FHIP2A: variants seen among roughly 807,000 people sequenced by gnomAD.
FHIP2A encodes the protein FHF complex subunit HOOK interacting protein 2A, also known as family with sequence similarity 160 member B1.
Under a neutral mutation model 93.5 loss-of-function variants are expected in FHIP2A, and 46 were observed. That is an observed-to-expected ratio of 0.49 (90% CI 0.39 to 0.63). The LOEUF (loss-of-function observed/expected upper bound fraction) is 0.63, where lower values mean the gene tolerates loss of function less well. Ranked by LOEUF, FHIP2A falls within the 20% of genes least tolerant of loss-of-function variation. The pLI, the probability that FHIP2A is intolerant of heterozygous loss-of-function variation, is 0.00. For missense variants in FHIP2A, 769 were observed against 909.7 expected (o/e 0.85, Z 1.99); for synonymous variants, 332 against 326.5 (o/e 1.02, Z -0.18).
At chr10:114,850,177 C>T (rs1050940072) in intron 13 of FHIP2A, among the ~76,000 whole-genome samples, 3 of 152,100 alleles carry the variant, frequency 2.0e-5, no homozygotes, top group Non-Finnish European at 4.4e-5. Flanking sequence ...TTTTGAGGAA[C>T]TGCCAAACTG....
chr10:114,865,069 C>T (rs1316209367), downstream of FHIP2A, among the ~76,000 whole-genome samples: 1 of 152,062 alleles, frequency 6.6e-6, no homozygotes, highest in African/African-American at 2.4e-5. Flanking sequence ...CTCACTGCAA[C>T]CTCCGCCCCC....
rs1268223377 is a variant in FHIP2A at position 114,847,128 on chromosome 10, C to T, written c.1607C>T (p.Pro536Leu). 1.2e-6 allele frequency: 2 copies of T among 1,612,634 alleles called. No homozygotes were observed. The highest frequency in any genetic ancestry group is 2.7e-5 in the African/African-American group (2 of 74,820). ...GATCCATTATTTACTGACATTTCACCAGAAAACACTTTGCCAAACCAAGAG... is the reference window on the plus strand; with the variant it reads ...GATCCATTATTTACTGACATTTCACTAGAAAACACTTTGCCAAACCAAGAG... The part of the protein sequence containing the change: ...EEDPLFTDIS[P>L]ENTLPNQEWL... The change falls in exon 12 of 17, where the codon CCA (proline) becomes CTA (leucine). Residue 536 changes from proline to leucine, a missense_variant. By Grantham distance (98) the Pro-to-Leu change is moderately conservative (BLOSUM62 -3). Transcript: ENST00000369248.
At position 114,833,559 on chromosome 10, in the gene FHIP2A, CA is replaced by C. The variant is rs1453869745; in HGVS notation, c.294+160del. On this transcript the variant is annotated intron_variant, in intron 3 of 16. Transcript: ENST00000369248. ...AAAAAAGAAAATTGTGTAGCCTATA[CA>C]AATATGTCCATAGAGATAGAAAGAT... 1.4e-5 allele frequency: 9 copies of C among 642,888 alleles called. No homozygotes were observed. In the African/African-American group the frequency reaches 1.7e-4, roughly 12 times the overall value. 39.8% of individuals were successfully genotyped at this position (642,888 alleles called of 1,614,324 possible). A position where few individuals can be genotyped will look rare whatever the true frequency, so the allele number is the denominator to read the frequency against.
chr10:114,863,797 T>A lies in FHIP2A; in HGVS notation c.*2257T>A. 3.5e-6 allele frequency: 4 copies of A among 1,154,480 alleles called. No homozygotes were observed. Among genetic ancestry groups the A allele is most frequent in the Middle Eastern group, 2.5e-4 (1 of 4,050 alleles). The allele number at this position is 1,154,480 out of a possible 1,614,324, so 71.5% of individuals were successfully genotyped here. On this transcript the variant is annotated 3_prime_UTR_variant, in exon 17 of 17. Coordinates refer to ENST00000369248, the MANE Select transcript of FHIP2A (RefSeq NM_020940.4). ...CAAAAACAGTAACTAAAATGCACTA[T>A]GCTGAGTGGAAAGCACCGTCATAAC...
intron 16 of FHIP2A, among the ~76,000 whole-genome samples, chr10:114,896,012 C>T (rs2083999617): frequency 6.6e-6 from 1 of 152,112 alleles, no homozygotes; most frequent in Non-Finnish European, 1.5e-5. Context: ...GATGCAACTG[C>T]CACCTGGCCA....
intron 13 of FHIP2A, among the ~76,000 whole-genome samples, chr10:114,851,849 T>C (rs2083738829): frequency 6.6e-6 from 1 of 152,196 alleles, no homozygotes; most frequent in Non-Finnish European, 1.5e-5. Context: ...TTTTTCCATT[T>C]ACTCAGGTTC....
chr10:114,880,676 T>C (rs1005303280), intron 16 of FHIP2A, among the ~76,000 whole-genome samples: 5 of 74,808 alleles, frequency 6.7e-5, no homozygotes, highest in Non-Finnish European at 1.4e-4. Flanking sequence ...TGAGACTCCA[T>C]GTCAACACAC....
intron 1 of FHIP2A, among the ~76,000 whole-genome samples, chr10:114,822,908 G>A (rs567780805): frequency 2.9e-4 from 44 of 152,236 alleles, no homozygotes; most frequent in Non-Finnish European, 5.1e-4. Flanking sequence ...CATAGAGACA[G>A]TATTCAAGTA....
chr10:114,852,393 GC>G (rs1193469644), intron 13 of FHIP2A, among the ~76,000 whole-genome samples: 1 of 152,168 alleles, frequency 6.6e-6, no homozygotes, highest in Admixed American at 6.5e-5. Flanking sequence ...TATGATTGAT[GC>G]CTTTAAAACT....
In FHIP2A at chr10:114,864,303, GA is replaced by G; in HGVS notation, c.*2765del. 1 of 985,176 alleles carries G rather than the reference GA, an allele frequency of 1.0e-6. No homozygotes were observed. The highest frequency in any genetic ancestry group is 1.2e-6 in the Non-Finnish European group (1 of 829,314). The allele number at this position is 985,176 out of a possible 1,614,324, so 61.0% of individuals were successfully genotyped here. On this transcript the variant is annotated 3_prime_UTR_variant, in exon 17 of 17. Coordinates refer to ENST00000369248, the MANE Select transcript of FHIP2A (RefSeq NM_020940.4). ...ATTATGAAGTCCATCAGTATTGACA[GA>G]AGACGTTACAGTGAAGTGCTAAAAC... is the stretch of plus-strand genomic sequence containing the variant.
intron 1 of FHIP2A, among the ~76,000 whole-genome samples, chr10:114,822,394 G>A (rs950595322): frequency 6.6e-6 from 1 of 152,010 alleles, no homozygotes; most frequent in African/African-American, 2.4e-5. Context: ...CGGGGGTGCC[G>A]GGGAGGACCT....
chr10:114,832,161 A>G (rs182205548), intron 2 of FHIP2A, among the ~76,000 whole-genome samples: 20 of 152,306 alleles, frequency 1.3e-4, no homozygotes, highest in African/African-American at 4.6e-4. Context: ...CCTTAGTATA[A>G]TAAGGATGGG....
rs745320547 is a variant in FHIP2A at position 114,843,064 on chromosome 10, A to T, written c.654A>T (p.Gly218=). 6.2e-7 allele frequency: 1 copy of T among 1,614,138 alleles called. No individual in the cohort carries two copies. The highest frequency in any genetic ancestry group is 8.5e-7 in the Non-Finnish European group (1 of 1,179,998). ...RQPEELSGAT[G]MEQTELEDEP... is the part of the protein sequence containing the mutation. ...CAGAGGAACTATCTGGTGCTACTGGAATGGAGCAAACAGAATTGGAAGATG... is the reference window on the plus strand; with the variant it reads ...CAGAGGAACTATCTGGTGCTACTGGTATGGAGCAAACAGAATTGGAAGATG... Residue 218 remains glycine (G), a synonymous_variant, in exon 6 of 17, where the codon GGA becomes GGT. Transcript: ENST00000369248.
At chr10:114,849,447 C>T (rs2083721638) in intron 13 of FHIP2A, among the ~76,000 whole-genome samples, 1 of 152,148 alleles carries the variant, frequency 6.6e-6, no homozygotes, top group Non-Finnish European at 1.5e-5. Flanking sequence ...CTCACTCCTT[C>T]AGCCCCGGAA....
rs975333763 is a variant in FHIP2A at position 114,863,071 on chromosome 10, A to G, written c.*1531A>G. On this transcript the variant is annotated 3_prime_UTR_variant, in exon 17 of 17. Coordinates refer to ENST00000369248, the MANE Select transcript of FHIP2A (RefSeq NM_020940.4). The stretch of plus-strand genomic sequence containing the variant: ...GATTATGAATAGCCTCAGCTCTAGA[A>G]TGCTTACCACTGTTAAAACAACAAA... The G allele has an allele frequency of 4.1e-6, 4 of 984,054 alleles. No individual in the cohort carries two copies. Among genetic ancestry groups the G allele is most frequent in the Non-Finnish European group, 2.4e-6 (2 of 828,764 alleles). The allele number at this position is 984,054 out of a possible 1,614,324, so 61.0% of individuals were successfully genotyped here.
chr10:114,830,261 T>C (rs1458454932), intron 1 of FHIP2A, among the ~76,000 whole-genome samples: 2 of 146,208 alleles, frequency 1.4e-5, no homozygotes, highest in Non-Finnish European at 3.0e-5. Context: ...AATATACCTC[T>C]GAAACCTACT....
intron 5 of FHIP2A, among the ~76,000 whole-genome samples, chr10:114,838,841 C>T (rs571533246): frequency 3.3e-5 from 5 of 152,174 alleles, no homozygotes; most frequent in Non-Finnish European, 7.3e-5. Flanking sequence ...CTGCTTTGTG[C>T]AGTGTTTTTA....
In FHIP2A at chr10:114,860,898, C is replaced by T; in HGVS notation, c.2088+9C>T. On this transcript the variant is annotated intron_variant, in intron 15 of 16. Coordinates refer to ENST00000369248, the MANE Select transcript of FHIP2A (RefSeq NM_020940.4). Reference sequence around the variant, plus strand: ...TCTCTGTAATTGTCAGGGTGAGTTACTAGTTCTGTTATATTCCCTAGGATT... The same window carrying T: ...TCTCTGTAATTGTCAGGGTGAGTTATTAGTTCTGTTATATTCCCTAGGATT... 1.2e-6 allele frequency: 2 copies of T among 1,611,564 alleles called. No homozygotes were observed.
chr10:114,822,209 C>A, intron 1 of FHIP2A, 86 bp downstream of exon 1: 2 of 880,074 alleles, frequency 2.3e-6, no homozygotes, highest in Non-Finnish European at 1.5e-6. Flanking sequence ...AGCCGGGCGG[C>A]CTTGGCCCGG....
Sources: gnomAD v4.1 joint callset for allele counts (sites outside exome capture counted in the v4.1 genomes callset) on GRCh38, gnomAD v4.1.1 for gene constraint, MANE v1.5 for transcripts, NCBI Gene and HGNC (gene_info 2026-07-23, HGNC 2026-07-21) for gene names.